The following DSC1 variants were observed in gnomAD, a reference collection of about 807,000 sequenced individuals.
DSC1 encodes desmocollin 1.
Under a neutral mutation model 98.8 loss-of-function variants are expected in DSC1, and 79 were observed. That is an observed-to-expected ratio of 0.80 (90% confidence interval 0.67 to 0.96). The LOEUF (loss-of-function observed/expected upper bound fraction) is 0.96, where lower values mean the gene tolerates loss of function less well. Ranked by LOEUF, DSC1 falls within the 50% of genes least tolerant of loss-of-function variation. The probability of loss-of-function intolerance (pLI) is 0.00; values close to 1 mark genes in which losing one functional copy is unlikely to be tolerated. For synonymous variants in DSC1, 405 were observed against 372.1 expected (o/e 1.09, Z -1.02); for missense variants, 1,115 against 1,075.9 (o/e 1.04, Z -0.51).
At chr18:31,143,299 C>CAG (rs1988773948) in intron 8 of DSC1, among the ~76,000 whole-genome samples, 1 of 150,886 alleles carries the variant, frequency 6.6e-6, no homozygotes, top group Admixed American at 6.7e-5. Flanking sequence ...TAAAGGACAC[C>CAG]AGAGAGAGAG....
chr18:31,131,523 T>G (rs571791058), intron 15 of DSC1, 71 bp downstream of exon 15: 1 of 1,579,184 alleles, frequency 6.3e-7, no homozygotes, highest in Non-Finnish European at 8.6e-7. Context: ...GAGTAAAACT[T>G]TTGGGAAATT....
At chr18:31,156,548 A>C (rs371602991) in intron 3 of DSC1, among the ~76,000 whole-genome samples, 2 of 152,220 alleles carry the variant, frequency 1.3e-5, no homozygotes, top group Non-Finnish European at 2.9e-5. Flanking sequence ...TTATACATCT[A>C]TGTAGACACA....
At chr18:31,150,360 TCATCACCACCACCATCATCACC>T (rs1988963545) in intron 5 of DSC1, among the ~76,000 whole-genome samples, 4 of 22,616 alleles carry the variant, frequency 1.8e-4, no homozygotes, top group Admixed American at 1.2e-3. Flanking sequence ...ACCACCACCA[TCATCACCACCACCATCATCACC>T]ACCATCACCA....
At position 31,148,554 on chromosome 18, in the gene DSC1, G is replaced by A. The variant is rs548602276; in HGVS notation, c.716C>T (p.Ala239Val). The change falls in exon 6 of 16, where the codon GCC becomes GTC. Residue 239 changes from alanine (A) to valine (V), a missense_variant. Ala to Val is a moderately conservative substitution (Grantham distance 64). Coordinates refer to ENST00000257198, the MANE Select transcript of DSC1 (RefSeq NM_024421.2). Reference protein sequence around the residue: ...IIKIEDDNDNAPYFEHRVTIF... With the variant: ...IIKIEDDNDNVPYFEHRVTIF... ...AGTCACTCTGTGTTCAAAATATGGG[G>A]CGTTATCATTATCATCTTCAATTTT... The A allele has an allele frequency of 3.1e-6, 5 of 1,612,052 alleles. No individual in the cohort carries two copies. In the South Asian group the frequency reaches 4.4e-5, roughly 14 times the overall value.
rs1989237023 is a variant in DSC1, at chr18:31,162,844, C to G, written c.-250G>C. The G allele has an allele frequency of 6.2e-6, 3 of 482,456 alleles. No homozygotes were observed. The highest frequency in any genetic ancestry group is 7.5e-6 in the Non-Finnish European group (2 of 268,288). 29.9% of individuals were successfully genotyped at this position (482,456 alleles called of 1,614,324 possible). On this transcript the variant is annotated 5_prime_UTR_variant, in exon 1 of 16. Coordinates refer to ENST00000257198, the MANE Select transcript of DSC1 (RefSeq NM_024421.2). The stretch of plus-strand genomic sequence containing the variant: ...TCAATTACGTCTAAATGCAAAGAGG[C>G]TTTCCTACAAGTGAGGAGGGTGGGG...
chr18:31,153,441 G>A (rs1259166064), intron 5 of DSC1, among the ~76,000 whole-genome samples: 1 of 152,112 alleles, frequency 6.6e-6, no homozygotes, highest in African/African-American at 2.4e-5. Flanking sequence ...ATTTTTTAAA[G>A]TAAAAGTGTG....
chr18:31,151,284 A>G (rs969945472), intron 5 of DSC1, among the ~76,000 whole-genome samples: 4 of 152,200 alleles, frequency 2.6e-5, no homozygotes, highest in African/African-American at 9.6e-5. Flanking sequence ...CTAATAATGA[A>G]CCAAGTATCT....
rs749005269 is a variant in DSC1, at chr18:31,156,087, A to G, written c.427T>C (p.Leu143=). 42 of 1,614,072 alleles carry G rather than the reference A, an allele frequency of 2.6e-5. 1 individual carries two copies. In the South Asian group the frequency reaches 4.0e-4, roughly 15 times the overall value. ...AATGGACCCAACGAGTTCTCCATCA[A>G]TGAAGCTGGAATAGGAGCCCATCGT... The part of the protein sequence containing the change: ...KRRWAPIPAS[L]MENSLGPFPQ... The change falls in exon 4 of 16, where the codon TTG becomes CTG. Residue 143 remains leucine, a synonymous_variant. Coordinates refer to ENST00000257198, the MANE Select transcript of DSC1 (RefSeq NM_024421.2).
chr18:31,139,780 T>C lies in DSC1; in HGVS notation c.1631A>G (p.Gln544Arg). Residue 544 changes from glutamine (Q) to arginine (R), a missense_variant, in exon 11 of 16, where the codon CAA (glutamine) becomes CGA (arginine). Gln to Arg is a conservative substitution (Grantham distance 43). Coordinates refer to ENST00000257198, the MANE Select transcript of DSC1 (RefSeq NM_024421.2). ...CACTGCAACAACTGAAATATTGTAT[T>C]GGTTGTTTTTTACAAATTTGGATTC... is the stretch of plus-strand genomic sequence containing the variant. ...DRESKFVKNN[Q>R]YNISVVAVDA... The C allele has an allele frequency of 6.2e-7, 1 of 1,610,302 alleles. No individual in the cohort carries two copies.
intron 6 of DSC1, among the ~76,000 whole-genome samples, chr18:31,146,912 G>C (rs1292587762): frequency 6.6e-6 from 1 of 152,142 alleles, no homozygotes; most frequent in South Asian, 2.1e-4. Context: ...AAATCATAGG[G>C]AGTAGTCTAT....
At chr18:31,159,007 T>C in intron 2 of DSC1, among the ~76,000 whole-genome samples, 1 of 150,192 alleles carries the variant, frequency 6.7e-6, no homozygotes, top group East Asian at 1.9e-4. Context: ...GCCTGTCTTT[T>C]ATTGTACATC....
rs1988460001 is a variant in DSC1, at chr18:31,130,492, A to G, written c.*22T>C. ...AATTCCTACTTATGCATCTGTGGAT[A>G]TTACACTATTAAAAGGCACATTTAT... On this transcript the variant is annotated 3_prime_UTR_variant, in exon 16 of 16. Transcript: ENST00000257198. 6.2e-7 allele frequency: 1 copy of G among 1,613,054 alleles called. No homozygotes were observed. Among genetic ancestry groups the G allele is most frequent in the African/African-American group, 1.3e-5 (1 of 74,892 alleles).
intron 3 of DSC1, 87 bp from the exon 4 acceptor site, chr18:31,156,249 T>A: frequency 1.3e-6 from 2 of 1,508,422 alleles, no homozygotes; most frequent in Non-Finnish European, 1.8e-6. Flanking sequence ...AACAAGCAGA[T>A]GTAAGGGTTA....
intron 15 of DSC1, 127 bp from the exon 16 acceptor site, chr18:31,130,838 C>T (rs774599033): frequency 6.2e-7 from 1 of 1,608,474 alleles, no homozygotes; most frequent in African/African-American, 1.3e-5. Context: ...CTAATGGATT[C>T]CTATATATAA....
At chr18:31,131,151 A>G (rs1333958984) in intron 15 of DSC1, among the ~76,000 whole-genome samples, 1 of 152,226 alleles carries the variant, frequency 6.6e-6, no homozygotes, top group Admixed American at 6.5e-5. Context: ...CATAAAACAA[A>G]ACAAGGAACT....
chr18:31,160,400 C>T (rs1413275625), intron 1 of DSC1, among the ~76,000 whole-genome samples: 2 of 152,132 alleles, frequency 1.3e-5, no homozygotes. Context: ...ATTTTATGAT[C>T]AGCTTTCAGC....
Position 31,142,028 on chromosome 18 carries a change from T to A in DSC1, c.1231A>T (p.Thr411Ser). 6.2e-7 allele frequency: 1 copy of A among 1,608,556 alleles called. No homozygotes were observed. The highest frequency in any genetic ancestry group is 8.5e-7 in the Non-Finnish European group (1 of 1,178,848). ...GNFIISTDPN[T>S]NEGVLCVVKP... Reference sequence around the variant, plus strand: ...ACAACACACAGCACTCCTTCATTTGTATTTGGATCTGTGCTAATTATGAAG... The same window carrying A: ...ACAACACACAGCACTCCTTCATTTGAATTTGGATCTGTGCTAATTATGAAG... The change falls in exon 9 of 16, where the codon ACA (threonine) becomes TCA (serine). Residue 411 changes from threonine to serine, a missense_variant. Coordinates refer to ENST00000257198, the MANE Select transcript of DSC1 (RefSeq NM_024421.2).
rs147853427 is a variant in DSC1, at chr18:31,145,697, G to T, written c.853C>A (p.Gln285Lys). The T allele has an allele frequency of 1.1e-5, 18 of 1,614,092 alleles. No homozygotes were observed. The highest frequency in any genetic ancestry group is 1.5e-5 in the Non-Finnish European group (18 of 1,180,050). The change falls in exon 7 of 16, where the codon CAA becomes AAA. Residue 285 changes from glutamine (Q) to lysine (K), a missense_variant. Physicochemically the swap from Gln to Lys is moderately conservative, Grantham distance 53 (BLOSUM62 1). Transcript: ENST00000257198. ...TGCTTTGGATGATCTGGGATTTGTTGTAAGATTTTATATTTCAGACGAGTA... is the reference window on the plus strand; with the variant it reads ...TGCTTTGGATGATCTGGGATTTGTTTTAAGATTTTATATTTCAGACGAGTA... ...LHTRLKYKILQQIPDHPKHFS... is the reference protein window; with the variant it reads ...LHTRLKYKILKQIPDHPKHFS...
At chr18:31,157,933 T>C (rs1169475418) in intron 2 of DSC1, among the ~76,000 whole-genome samples, 2 of 152,198 alleles carry the variant, frequency 1.3e-5, no homozygotes, top group South Asian at 2.1e-4. Flanking sequence ...ATGATGTCAG[T>C]AGGTTTTGAA....
Sources: gnomAD v4.1 joint callset for allele counts (sites outside exome capture counted in the v4.1 genomes callset) on GRCh38, gnomAD v4.1.1 for gene constraint, MANE v1.5 for transcripts, NCBI Gene and HGNC (gene_info 2026-07-23, HGNC 2026-07-21) for gene names.